CEP57: variants seen among roughly 807,000 people sequenced by gnomAD.
The protein encoded by CEP57 is centrosomal protein of 57 kDa.
A neutral mutation model predicts 68.0 loss-of-function variants in CEP57; 40 were observed. The observed-to-expected ratio is 0.59, with a 90% CI of 0.46 to 0.77. CEP57 has a LOEUF of 0.77. CEP57 is among the 30% of genes least tolerant of loss of function. CEP57 has a pLI of 0.00. For synonymous variants in CEP57, 219 were observed against 198.7 expected, an observed-to-expected ratio of 1.10 and a Z score of -0.86; for missense variants, 606 against 580.7, an observed-to-expected ratio of 1.04 and a Z score of -0.45.
chr11:95,804,468 T>C (rs542645667), intron 2 of CEP57, among the ~76,000 whole-genome samples: 6 of 152,262 alleles, frequency 3.9e-5, no homozygotes, highest in Admixed American at 1.3e-4. Flanking sequence ...ATTTTAAATG[T>C]GGGTAGCGAC....
At chr11:95,797,222 A>G (rs1361975204) in intron 1 of CEP57, among the ~76,000 whole-genome samples, 2 of 134,850 alleles carry the variant, frequency 1.5e-5, no homozygotes, top group Admixed American at 8.7e-5. Context: ...GCTGTAGTGC[A>G]GTGGCCCAAT....
chr11:95,826,995 G>C (rs1480123483), intron 8 of CEP57: 3 of 152,194 alleles, frequency 2.0e-5, no homozygotes, highest in African/African-American at 7.2e-5. Context: ...TGGAGGACTT[G>C]AAAACACAAA....
intron 8 of CEP57, 113 bp downstream of exon 8, chr11:95,822,689 G>GTGTGTGGATCATGCCTTTACCAT: frequency 1.0e-6 from 1 of 969,526 alleles, no homozygotes; most frequent in Non-Finnish European, 1.6e-6. Context: ...GCCTTTACCA[G>GTGTGTGGATCATGCCTTTACCAT]TGTGTGGATC....
At chr11:95,806,747 G>A (rs746310536) in intron 2 of CEP57, among the ~76,000 whole-genome samples, 1 of 152,194 alleles carries the variant, frequency 6.6e-6, no homozygotes, top group South Asian at 2.1e-4. Flanking sequence ...GGAGCCCACC[G>A]CAGCTCAAAG....
Position 95,799,327 on chromosome 11 carries a change from T to C in CEP57, c.141T>C (p.Asn47=). ...VVYPSDKPFL[N]SDLRRSPSKP... The stretch of plus-strand genomic sequence containing the variant: ...ATCCTTCGGATAAGCCTTTCCTTAA[T>C]AGTGATCTACGACGCTCCCCAAGTA... Residue 47 remains asparagine (N), a synonymous_variant, in exon 2 of 11, where the codon AAT becomes AAC. Coordinates refer to ENST00000325542, the MANE Select transcript of CEP57 (RefSeq NM_014679.5). 5 of 1,614,154 alleles carry C rather than the reference T, an allele frequency of 3.1e-6. No individual in the cohort carries two copies. Among genetic ancestry groups the C allele is most frequent in the Non-Finnish European group, 4.2e-6 (5 of 1,180,002 alleles).
chr11:95,825,288 T>C (rs1448745813), intron 8 of CEP57, among the ~76,000 whole-genome samples: 1 of 152,204 alleles, frequency 6.6e-6, no homozygotes, highest in African/African-American at 2.4e-5. Flanking sequence ...TAAATTCCTG[T>C]TGGAGAAAAC....
At chr11:95,806,229 AT>A (rs1333389667) in intron 2 of CEP57, among the ~76,000 whole-genome samples, 1 of 152,222 alleles carries the variant, frequency 6.6e-6, no homozygotes, top group Non-Finnish European at 1.5e-5. Flanking sequence ...GGTATAATTA[AT>A]AAGGAAATAA....
intron 2 of CEP57, among the ~76,000 whole-genome samples, chr11:95,808,177 T>C (rs541021808): frequency 2.6e-5 from 4 of 152,302 alleles, no homozygotes; most frequent in African/African-American, 9.6e-5. Flanking sequence ...TGAGAGATTT[T>C]GTTACCACCA....
At chr11:95,795,875 T>C (rs866873007) in intron 1 of CEP57, among the ~76,000 whole-genome samples, 3 of 152,202 alleles carry the variant, frequency 2.0e-5, no homozygotes, top group Non-Finnish European at 2.9e-5. Context: ...TCAGCTAAAC[T>C]GATGTATTCA....
At chr11:95,799,053 A>G (rs190426651) in intron 1 of CEP57, among the ~76,000 whole-genome samples, 179 bp from the exon 2 acceptor site, 1 of 152,350 alleles carries the variant, frequency 6.6e-6, no homozygotes, top group East Asian at 1.9e-4. Flanking sequence ...CTATATTCAG[A>G]CTAATATGAA....
intron 4 of CEP57, 62 bp from the exon 5 acceptor site, chr11:95,817,725 C>A: frequency 1.7e-5 from 18 of 1,081,468 alleles, no homozygotes; most frequent in Non-Finnish European, 2.4e-5. Flanking sequence ...AAAAACACTG[C>A]TCAGTGTTTT....
intron 5 of CEP57, 68 bp from the exon 6 acceptor site, chr11:95,818,759 G>A: frequency 8.4e-7 from 1 of 1,184,592 alleles, no homozygotes. Flanking sequence ...TTCCAGTGCT[G>A]CTATATTAAA....
At chr11:95,816,377 G>C (rs116879048) in intron 4 of CEP57, among the ~76,000 whole-genome samples, 368 of 152,282 alleles carry the variant, frequency 2.4e-3, no homozygotes, top group Middle Eastern at 6.8e-3. Context: ...TTCAAGATGA[G>C]ATTTGGTTGG....
chr11:95,811,814 T>C (rs1279126753), intron 2 of CEP57, among the ~76,000 whole-genome samples: 2 of 152,226 alleles, frequency 1.3e-5, no homozygotes, highest in African/African-American at 2.4e-5. Context: ...TTTTTCTCAT[T>C]AGAATGGCTA....
chr11:95,792,956 A>G (rs188164856), intron 1 of CEP57, among the ~76,000 whole-genome samples: 1 of 152,180 alleles, frequency 6.6e-6, no homozygotes, highest in South Asian at 2.1e-4. Context: ...CTATACCATG[A>G]ACTGAGAACA....
At chr11:95,810,512 AC>A (rs1314524834) in intron 2 of CEP57, among the ~76,000 whole-genome samples, 1 of 152,248 alleles carries the variant, frequency 6.6e-6, no homozygotes, top group Admixed American at 6.5e-5. Flanking sequence ...GTCTCAGGAT[AC>A]AAAATCAATG....
At chr11:95,790,829 A>G (rs758642111) in intron 1 of CEP57, 86 bp downstream of exon 1, 24 of 1,490,598 alleles carry the variant, frequency 1.6e-5, no homozygotes, top group Admixed American at 3.7e-5. Context: ...CTGTCAGTCC[A>G]GCTTCTGACG....
chr11:95,790,803 C>T (rs913961610), intron 1 of CEP57, 60 bp downstream of exon 1: 2 of 1,594,938 alleles, frequency 1.3e-6, no homozygotes, highest in Non-Finnish European at 1.7e-6. Context: ...TTTGAGTTTC[C>T]TCACGTTTCA....
At chr11:95,824,713 C>T (rs769124229) in intron 8 of CEP57, among the ~76,000 whole-genome samples, 8 of 152,134 alleles carry the variant, frequency 5.3e-5, no homozygotes, top group Non-Finnish European at 1.2e-4. Context: ...GTAAGGAGGA[C>T]AAGTCAGCAC....
Sources: allele counts gnomAD v4.1 joint callset (sites outside exome capture counted in the v4.1 genomes callset), GRCh38; gene constraint gnomAD v4.1.1; transcripts MANE v1.5; gene names NCBI Gene and HGNC (gene_info 2026-07-23, HGNC 2026-07-21).